PPFIA4: variants seen among roughly 807,000 people sequenced by gnomAD.
The protein encoded by PPFIA4 is liprin-alpha-4.
Under a neutral mutation model 145.7 loss-of-function variants are expected in PPFIA4, and 98 were observed. The ratio of observed to expected loss-of-function variants is 0.67; its 90% CI spans 0.57 to 0.80. PPFIA4 has a LOEUF of 0.80. PPFIA4 is among the 30% of genes least tolerant of loss of function. The probability of loss-of-function intolerance (pLI) is 0.00; values close to 1 mark genes in which losing one functional copy is unlikely to be tolerated. For synonymous variants in PPFIA4, 628 were observed against 649.6 expected (o/e 0.97, Z 0.51); for missense variants, 1,457 against 1,632.7 (o/e 0.89, Z 1.85).
chr1:203,042,287 A>G (rs1659746272), intron 2 of PPFIA4, among the ~76,000 whole-genome samples: 1 of 152,082 alleles, frequency 6.6e-6, no homozygotes, highest in Admixed American at 6.5e-5. Flanking sequence ...GCTTGTCCTG[A>G]TGGGGGAGGG....
At chr1:203,035,510 C>T (rs746345354) in intron 1 of PPFIA4, 16 of 451,834 alleles carry the variant, frequency 3.5e-5, no homozygotes, top group African/African-American at 8.0e-5. Context: ...CCCCCACACA[C>T]GCACACTCAC....
chr1:203,037,229 T>C, intron 1 of PPFIA4: 1 of 341,924 alleles, frequency 2.9e-6, no homozygotes, highest in Non-Finnish European at 6.2e-6. Context: ...CCTTCTCTCT[T>C]TTCCCTGCTG....
chr1:203,055,332 G>A lies in PPFIA4; in HGVS notation c.1830-100G>A, dbSNP rs150446298. The A allele has an allele frequency of 4.2e-4, 624 of 1,492,192 alleles. 4 individuals are homozygous for A. The African/African-American group carries it at 7.8e-3, about 19-fold the overall frequency. 92.4% of individuals were successfully genotyped at this position (1,492,192 alleles called of 1,614,324 possible). On this transcript the variant is annotated intron_variant, in intron 15 of 29. Coordinates refer to ENST00000295706, the MANE Select transcript of PPFIA4 (RefSeq NM_001304331.2). This position sits in a 1 kb window ranked among gnomAD's most constrained non-coding sequence, Gnocchi z 4.8. ...AGACAAAGCCTGGCGGGTGTACACC[G>A]CATGTGGTCCTTGGTGGCGAGTGCA...
intron 1 of PPFIA4, among the ~76,000 whole-genome samples, chr1:203,032,100 T>A (rs932525163): frequency 2.0e-5 from 3 of 151,240 alleles, no homozygotes; most frequent in African/African-American, 7.3e-5. Context: ...TAGACAATAT[T>A]TAAACTAGGG....
chr1:203,035,038 T>C (rs1571659929), intron 1 of PPFIA4, among the ~76,000 whole-genome samples: 1 of 152,372 alleles, frequency 6.6e-6, no homozygotes, highest in African/African-American at 2.4e-5. Flanking sequence ...GGAAGCACAG[T>C]GCTGGGCACA....
chr1:203,039,270 T>A (rs1659531913), intron 2 of PPFIA4, 28 bp downstream of exon 2: 1 of 1,505,700 alleles, frequency 6.6e-7, no homozygotes, highest in Non-Finnish European at 8.9e-7. Context: ...GCGTCTCTCT[T>A]AACCCCTTTC....
intron 28 of PPFIA4, among the ~76,000 whole-genome samples, chr1:203,072,574 C>T (rs144355538): frequency 1.3e-5 from 2 of 152,234 alleles, no homozygotes; most frequent in African/African-American, 4.8e-5. Context: ...ACTTTCCTAT[C>T]ACTGCCCTTG....
intron 1 of PPFIA4, among the ~76,000 whole-genome samples, chr1:203,037,660 T>C (rs1465176099): frequency 1.3e-5 from 2 of 152,238 alleles, no homozygotes; most frequent in African/African-American, 4.8e-5. Flanking sequence ...ATTGGGCTCC[T>C]GTGCCAGGCT....
At chr1:203,063,095 G>C (rs1011438479) in intron 24 of PPFIA4, 1 of 152,246 alleles carries the variant, frequency 6.6e-6, no homozygotes, top group Non-Finnish European at 1.5e-5. Context: ...TCAAGTAAGG[G>C]TAAGGAAAGA....
Position 203,055,921 on chromosome 1 carries a change from T to G in PPFIA4, c.2071-199T>G, listed in dbSNP as rs1050317523. On this transcript the variant is annotated intron_variant, in intron 16 of 29. Transcript: ENST00000295706. The surrounding 1 kb of genome is among the most constrained non-coding windows in gnomAD (Gnocchi z 4.8). ...GAAACTCACCCACTGCCCTCACCTC[T>G]TCCTTTCTTCCAGAGAAATAAGCCC... is the stretch of plus-strand genomic sequence containing the variant. Among the ~76,000 whole-genome samples the G allele has an allele frequency of 3.3e-5, 5 of 151,996 alleles. No individual in the cohort carries two copies. The highest frequency in any genetic ancestry group is 4.8e-5 in the African/African-American group (2 of 41,380).
chr1:203,033,958 G>C (rs1456379100), intron 1 of PPFIA4, among the ~76,000 whole-genome samples: 1 of 152,220 alleles, frequency 6.6e-6, no homozygotes, highest in African/African-American at 2.4e-5. Flanking sequence ...TTTGAAGTCA[G>C]TCAGGGATGG....
chr1:203,035,904 A>T (rs530622537), intron 1 of PPFIA4, among the ~76,000 whole-genome samples: 2 of 152,172 alleles, frequency 1.3e-5, no homozygotes, highest in Non-Finnish European at 2.9e-5. Context: ...ACATGATGCC[A>T]TTTGGCCAGG....
At chr1:203,064,973 C>T (rs1306213619) in intron 25 of PPFIA4, among the ~76,000 whole-genome samples, 1 of 152,214 alleles carries the variant, frequency 6.6e-6, no homozygotes, top group Non-Finnish European at 1.5e-5. Flanking sequence ...AGTCTTTTGT[C>T]TTGACTGGAT....
Position 203,043,550 on chromosome 1 carries a change from A to G in PPFIA4, c.336+52A>G, listed in dbSNP as rs1659852033. On this transcript the variant is annotated intron_variant, in intron 3 of 29. Coordinates refer to ENST00000295706, the MANE Select transcript of PPFIA4 (RefSeq NM_001304331.2). The surrounding 1 kb of genome is among the most constrained non-coding windows in gnomAD (Gnocchi z 4.4). ...CGCGCGCACGTGTGTGTGTGTGTGT[A>G]TGGGGGTGTGTTGTGAACACCTTGA... 9 of 1,423,412 alleles carry G rather than the reference A, an allele frequency of 6.3e-6. No individual in the cohort carries two copies. Among genetic ancestry groups the G allele is most frequent in the Admixed American group, 3.9e-5 (2 of 50,940 alleles). The allele number at this position is 1,423,412 out of a possible 1,614,324, so 88.2% of individuals were successfully genotyped here. A position where few individuals can be genotyped will look rare whatever the true frequency, so the allele number is the denominator to read the frequency against.
At chr1:203,044,573 G>T in intron 5 of PPFIA4, 120 bp downstream of exon 5, 2 of 1,399,218 alleles carry the variant, frequency 1.4e-6, no homozygotes, top group South Asian at 1.3e-5. Flanking sequence ...GCTAGGCAAG[G>T]CTAGGCTGAG....
chr1:203,062,435 A>C (rs993177372), intron 24 of PPFIA4, among the ~76,000 whole-genome samples: 4 of 140,734 alleles, frequency 2.8e-5, no homozygotes, highest in African/African-American at 8.1e-5. Context: ...AGCCGAGATC[A>C]CACCACTGCA....
chr1:203,055,310 C>G lies in PPFIA4; in HGVS notation c.1830-122C>G. 2 of 1,326,828 alleles carry G rather than the reference C, an allele frequency of 1.5e-6. No individual in the cohort carries two copies. Among genetic ancestry groups the G allele is most frequent in the South Asian group, 1.3e-5 (1 of 75,700 alleles). The allele number at this position is 1,326,828 out of a possible 1,614,324, so 82.2% of individuals were successfully genotyped here. ...TGTTTCTAAGCTCCAGTGGGACAGA[C>G]AAAGCCTGGCGGGTGTACACCGCAT... On this transcript the variant is annotated intron_variant, in intron 15 of 29. Coordinates refer to ENST00000295706, the MANE Select transcript of PPFIA4 (RefSeq NM_001304331.2). The surrounding 1 kb of genome is among the most constrained non-coding windows in gnomAD (Gnocchi z 4.8).
chr1:203,063,927 G>GT lies in PPFIA4; in HGVS notation c.2975dup (p.Asp993GlyfsTer41), dbSNP rs1661562086. On this transcript the variant is annotated frameshift_variant, in exon 25 of 30. Transcript: ENST00000295706. LOFTEE classifies it high-confidence loss of function. ...CCGCAGCTACTTCATGGAGTGCCTG[G>GT]TGGACGCCCGCATGCTGGACCACCT... 1.2e-6 allele frequency: 2 copies of GT among 1,613,960 alleles called. No individual in the cohort carries two copies.
At position 203,048,342 on chromosome 1, in the gene PPFIA4, C is replaced by A. The variant is rs1660234994; in HGVS notation, c.1224+32C>A. 6.2e-7 allele frequency: 1 copy of A among 1,601,996 alleles called. No homozygotes were observed. Among genetic ancestry groups the A allele is most frequent in the Non-Finnish European group, 8.5e-7 (1 of 1,173,984 alleles). On this transcript the variant is annotated intron_variant, in intron 10 of 29. Coordinates refer to ENST00000295706, the MANE Select transcript of PPFIA4 (RefSeq NM_001304331.2). This position sits in a 1 kb window ranked among gnomAD's most constrained non-coding sequence, Gnocchi z 5.8. ...GCACCAGGCCGGGCCCTCAGGCCCC[C>A]TCCTTCCCGCAGGACAGGCTCCCAG... is the stretch of plus-strand genomic sequence containing the variant.
Sources: gnomAD v4.1 joint callset for allele counts (sites outside exome capture counted in the v4.1 genomes callset) on GRCh38, gnomAD v4.1.1 for gene constraint, Gnocchi (gnomAD v3.1) non-coding constraint, MANE v1.5 for transcripts, NCBI Gene and HGNC (gene_info 2026-07-23, HGNC 2026-07-21) for gene names.